RPTOR: variants seen among roughly 807,000 people sequenced by gnomAD.
RPTOR encodes the protein regulatory-associated protein of mTOR.
Under a neutral mutation model 169.9 loss-of-function variants are expected in RPTOR, and 21 were observed. That is an observed-to-expected ratio of 0.12 (90% CI 0.09 to 0.18). The LOEUF (loss-of-function observed/expected upper bound fraction) is 0.18. RPTOR is among the 10% of genes least tolerant of loss of function. The pLI is 1.00. For missense variants in RPTOR, 1,133 were observed against 1,855.9 expected (o/e 0.61, Z 7.16); for synonymous variants, 732 against 753.2 (o/e 0.97, Z 0.46).
chr17:80,909,059 A>G lies in RPTOR; in HGVS notation c.2520+130A>G, dbSNP rs1326241564. ...AGTAACAAAACGAGCTTCAGCAAAT[A>G]TCTTAAATCTGGAGATGTACACAGT... On this transcript the variant is annotated intron_variant, in intron 21 of 33. Coordinates refer to ENST00000306801, the MANE Select transcript of RPTOR (RefSeq NM_020761.3). 3 of 696,702 alleles carry G rather than the reference A, an allele frequency of 4.3e-6. No homozygotes were observed. The African/African-American group carries it at 5.3e-5, about 12-fold the overall frequency. 43.2% of individuals were successfully genotyped at this position (696,702 alleles called of 1,614,324 possible). A position where few individuals can be genotyped will look rare whatever the true frequency, so the allele number is the denominator to read the frequency against.
In RPTOR at chr17:80,927,439, A is replaced by G. The variant is rs375982847; in HGVS notation, c.2919+1959A>G. ...ATGCCTATTCTCAGTCATCTATCCT[A>G]TGATGAAAGAGGAATGGCATAGATA... On this transcript the variant is annotated intron_variant, in intron 24 of 33. Coordinates refer to ENST00000306801, the MANE Select transcript of RPTOR (RefSeq NM_020761.3). 5.3e-5 allele frequency among the ~76,000 whole-genome samples: 8 copies of G among 152,196 alleles called. No homozygotes were observed. In the East Asian group the frequency reaches 1.5e-3, roughly 29 times the overall value.
At chr17:80,868,544 C>A (rs1046448795) in intron 13 of RPTOR, among the ~76,000 whole-genome samples, 1 of 152,236 alleles carries the variant, frequency 6.6e-6, no homozygotes, top group African/African-American at 2.4e-5. Flanking sequence ...AAAGTGTGCA[C>A]TACCACTTTG....
intron 9 of RPTOR, among the ~76,000 whole-genome samples, chr17:80,825,722 C>G (rs528889570): frequency 6.6e-6 from 1 of 152,374 alleles, no homozygotes; most frequent in African/African-American, 2.4e-5. Flanking sequence ...ACTGTGGACA[C>G]TCCGGCTTTT....
At position 80,708,289 on chromosome 17, in the gene RPTOR, A is replaced by G. The variant is rs537232237; in HGVS notation, c.507+290A>G. On this transcript the variant is annotated intron_variant, in intron 4 of 33. Coordinates refer to ENST00000306801, the MANE Select transcript of RPTOR (RefSeq NM_020761.3). This position sits in a 1 kb window ranked among gnomAD's most constrained non-coding sequence, Gnocchi z 4.2. ...TAATTCTCCGAGGACAGACCTCGAGAGTGTCTGCCTTCTAGTTTGAAAAAA... is the reference window on the plus strand; with the variant it reads ...TAATTCTCCGAGGACAGACCTCGAGGGTGTCTGCCTTCTAGTTTGAAAAAA... 1.3e-5 allele frequency among the ~76,000 whole-genome samples: 2 copies of G among 152,318 alleles called. No individual in the cohort carries two copies. Among genetic ancestry groups the G allele is most frequent in the South Asian group, 4.1e-4 (2 of 4,830 alleles).
chr17:80,549,352 G>A (rs776317874), intron 1 of RPTOR, among the ~76,000 whole-genome samples: 41 of 152,074 alleles, frequency 2.7e-4, no homozygotes, highest in South Asian at 2.1e-4. Context: ...AAACAGATAC[G>A]TATATATCTC....
At chr17:80,634,032 G>A (rs1028812094) in intron 2 of RPTOR, among the ~76,000 whole-genome samples, 4 of 151,796 alleles carry the variant, frequency 2.6e-5, no homozygotes, top group Admixed American at 6.6e-5. Context: ...GACCTCTCTC[G>A]CTGGACAGAG....
At chr17:80,780,875 A>C (rs1352550616) in intron 6 of RPTOR, among the ~76,000 whole-genome samples, 1 of 151,852 alleles carries the variant, frequency 6.6e-6, no homozygotes, top group Non-Finnish European at 1.5e-5. Context: ...TCCCTAATTG[A>C]GTTTGAGTCA....
In RPTOR at chr17:80,721,519, C is replaced by T. The variant is rs918167583; in HGVS notation, c.508-9041C>T. Reference sequence around the variant, plus strand: ...GAGGCACACCCAGCAGCGGGCTCTCCTGGCTCACCCGGGGCCGTCAGGGCG... The same window carrying T: ...GAGGCACACCCAGCAGCGGGCTCTCTTGGCTCACCCGGGGCCGTCAGGGCG... On this transcript the variant is annotated intron_variant, in intron 4 of 33. Transcript: ENST00000306801. The surrounding 1 kb of genome is among the most constrained non-coding windows in gnomAD (Gnocchi z 4.7). 6.6e-6 allele frequency among the ~76,000 whole-genome samples: 1 copy of T among 151,408 alleles called. No homozygotes were observed. Among genetic ancestry groups the T allele is most frequent in the Non-Finnish European group, 1.5e-5 (1 of 68,034 alleles).
chr17:80,729,809 G>A (rs568907507), intron 4 of RPTOR, among the ~76,000 whole-genome samples: 1 of 152,180 alleles, frequency 6.6e-6, no homozygotes, highest in Non-Finnish European at 1.5e-5. Flanking sequence ...ATGGAGACAC[G>A]GAGTGAAGAG....
chr17:80,883,621 T>A, intron 15 of RPTOR, 137 bp downstream of exon 15: 2 of 1,181,884 alleles, frequency 1.7e-6, no homozygotes, highest in Non-Finnish European at 1.2e-6. Context: ...TAGCCAGCCA[T>A]TTGCAGGCTG....
At chr17:80,713,807 G>T (rs1022845774) in intron 4 of RPTOR, among the ~76,000 whole-genome samples, 7 of 152,050 alleles carry the variant, frequency 4.6e-5, no homozygotes, top group African/African-American at 1.4e-4. Flanking sequence ...AGTTTCAAAG[G>T]ACATGCAGCA....
At chr17:80,580,268 C>T (rs116598066) in intron 1 of RPTOR, among the ~76,000 whole-genome samples, 16 of 152,110 alleles carry the variant, frequency 1.1e-4, no homozygotes, top group African/African-American at 3.1e-4. Context: ...GTTATTTTCT[C>T]AGTATGGTTT....
At chr17:80,698,677 G>A (rs773353442) in intron 3 of RPTOR, among the ~76,000 whole-genome samples, 6 of 152,282 alleles carry the variant, frequency 3.9e-5, no homozygotes, top group Middle Eastern at 3.4e-3. Flanking sequence ...CAAATGTGCC[G>A]CTGCTTCTCC....
chr17:80,814,629 C>T (rs1424345502), intron 7 of RPTOR, among the ~76,000 whole-genome samples: 3 of 152,196 alleles, frequency 2.0e-5, no homozygotes, highest in Non-Finnish European at 4.4e-5. Flanking sequence ...CACCCATTGG[C>T]TCATCGTATG....
intron 14 of RPTOR, 79 bp from the exon 15 acceptor site, chr17:80,883,340 G>A (rs773985856): frequency 1.4e-4 from 184 of 1,287,630 alleles, no homozygotes; most frequent in East Asian, 6.5e-4. Flanking sequence ...TGAAGATTCC[G>A]AAAGGATCAC....
chr17:80,840,926 G>C (rs1423303363), intron 10 of RPTOR, among the ~76,000 whole-genome samples: 3 of 104,286 alleles, frequency 2.9e-5, no homozygotes, highest in African/African-American at 4.8e-5. Context: ...CTCACCACAC[G>C]GCAGCTCACT....
intron 1 of RPTOR, chr17:80,602,489 T>TC: frequency 2.7e-6 from 1 of 372,924 alleles, no homozygotes; most frequent in Non-Finnish European, 5.1e-6. Context: ...AGTTTTCTTT[T>TC]CTTTTTTTTT....
At position 80,820,353 on chromosome 17, in the gene RPTOR, G is replaced by C. The variant is rs568263234; in HGVS notation, c.891-1848G>C. On this transcript the variant is annotated intron_variant, in intron 7 of 33. Coordinates refer to ENST00000306801, the MANE Select transcript of RPTOR (RefSeq NM_020761.3). The surrounding 1 kb of genome is among the most constrained non-coding windows in gnomAD (Gnocchi z 4.1). ...TGCAGGTGTGGGACCCAAGACACAA[G>C]TGTGTTGGGGCTCCATGTCCACCCC... 5.9e-5 allele frequency among the ~76,000 whole-genome samples: 9 copies of C among 152,326 alleles called. No individual in the cohort carries two copies. The highest frequency in any genetic ancestry group is 1.9e-4 in the East Asian group (1 of 5,176).
intron 13 of RPTOR, among the ~76,000 whole-genome samples, chr17:80,862,452 G>A (rs376955970): frequency 3.3e-5 from 5 of 151,976 alleles, no homozygotes; most frequent in African/African-American, 4.8e-5. Flanking sequence ...TGTTGCTGGC[G>A]GTCCTCCGGA....
Sources: gnomAD v4.1 joint callset for allele counts (sites outside exome capture counted in the v4.1 genomes callset) on GRCh38, gnomAD v4.1.1 for gene constraint, Gnocchi (gnomAD v3.1) non-coding constraint, MANE v1.5 for transcripts, NCBI Gene and HGNC (gene_info 2026-07-23, HGNC 2026-07-21) for gene names.